CABCOCO1: variants seen among roughly 807,000 people sequenced by gnomAD.
CABCOCO1 encodes ciliary-associated calcium-binding coiled-coil protein 1.
A neutral mutation model predicts 35.7 loss-of-function variants in CABCOCO1; 28 were observed. That is an observed-to-expected ratio of 0.78 (90% CI 0.58 to 1.07). The LOEUF (loss-of-function observed/expected upper bound fraction) is 1.07. Ranked by LOEUF, CABCOCO1 falls within the 50% of genes least tolerant of loss-of-function variation. CABCOCO1 has a pLI of 0.00. For synonymous variants in CABCOCO1, 95 were observed against 100.1 expected, an observed-to-expected ratio of 0.95 and a Z score of 0.30; for missense variants, 326 against 309.2, an observed-to-expected ratio of 1.05 and a Z score of -0.41.
At position 61,672,710 on chromosome 10, in the gene CABCOCO1, A is replaced by T; in HGVS notation, c.139A>T (p.Met47Leu). Residue 47 changes from methionine (M) to leucine (L), a missense_variant, in exon 2 of 8, where the codon ATG becomes TTG. Coordinates refer to ENST00000648843, the MANE Select transcript of CABCOCO1 (RefSeq NM_001366906.2). ...LSVAQITDLLMEDIDGVQEKL... is the reference protein window; with the variant it reads ...LSVAQITDLLLEDIDGVQEKL... ...AGTTGCCCAAATCACTGATTTGTTAATGGAGGACATCGATGGAGTTCAAGA... is the reference window on the plus strand; with the variant it reads ...AGTTGCCCAAATCACTGATTTGTTATTGGAGGACATCGATGGAGTTCAAGA... 3.0e-6 allele frequency: 3 copies of T among 985,390 alleles called. No individual in the cohort carries two copies. Among genetic ancestry groups the T allele is most frequent in the South Asian group, 9.4e-5 (2 of 21,282 alleles). 61.0% of individuals were successfully genotyped at this position (985,390 alleles called of 1,614,324 possible). A position where few individuals can be genotyped will look rare whatever the true frequency, so the allele number is the denominator to read the frequency against.
chr10:61,680,467 AAT>A (rs1358577293), intron 2 of CABCOCO1, among the ~76,000 whole-genome samples: 2 of 46,604 alleles, frequency 4.3e-5, no homozygotes, highest in Non-Finnish European at 9.7e-5. Flanking sequence ...TAACATATAT[AAT>A]ATATATTTAT....
intron 2 of CABCOCO1, among the ~76,000 whole-genome samples, 196 bp downstream of exon 2, chr10:61,672,931 G>A (rs1428083210): frequency 1.3e-5 from 2 of 152,158 alleles, no homozygotes; most frequent in Non-Finnish European, 2.9e-5. Context: ...CCTTTATAAA[G>A]AAAATACATT....
chr10:61,737,435 C>G (rs1841444159), intron 5 of CABCOCO1, among the ~76,000 whole-genome samples: 1 of 152,092 alleles, frequency 6.6e-6, no homozygotes, highest in Admixed American at 6.6e-5. Context: ...ACCATTTGAC[C>G]CAGCAATCCC....
At position 61,706,525 on chromosome 10, in the gene CABCOCO1, C is replaced by T. The variant is rs1472567964; in HGVS notation, c.552+15904C>T. The stretch of plus-strand genomic sequence containing the variant: ...ACATAATTAGTTATCTAGGGAAAAA[C>T]AATTATAATTGAACATAGCTGCTTC... On this transcript the variant is annotated intron_variant, in intron 5 of 7. Transcript: ENST00000648843. Among the ~76,000 whole-genome samples, 5 of 152,108 alleles carry T rather than the reference C, an allele frequency of 3.3e-5. No homozygotes were observed. The South Asian group carries it at 8.3e-4, about 25-fold the overall frequency.
At chr10:61,763,686 A>G (rs1279020167) in intron 7 of CABCOCO1, among the ~76,000 whole-genome samples, 1 of 151,820 alleles carries the variant, frequency 6.6e-6, no homozygotes, top group Non-Finnish European at 1.5e-5. Flanking sequence ...TTGGGACCCT[A>G]GATGTTTTTA....
chr10:61,676,921 G>T (rs559428130), intron 2 of CABCOCO1, among the ~76,000 whole-genome samples: 1 of 151,836 alleles, frequency 6.6e-6, no homozygotes, highest in African/African-American at 2.4e-5. Context: ...AAATTTAGCC[G>T]AGCGTGGTGG....
intron 5 of CABCOCO1, among the ~76,000 whole-genome samples, chr10:61,737,311 T>G (rs71507190): frequency 0.016 from 2,361 of 152,180 alleles, 38 homozygotes; most frequent in East Asian, 0.046. Flanking sequence ...CAGATGCTGG[T>G]GAGGTTGCAG....
intron 4 of CABCOCO1, among the ~76,000 whole-genome samples, chr10:61,688,659 A>G (rs1413882289): frequency 6.6e-6 from 1 of 152,202 alleles, no homozygotes; most frequent in East Asian, 1.9e-4. Flanking sequence ...TACACTCAAT[A>G]TAAGAGGCAT....
intron 5 of CABCOCO1, among the ~76,000 whole-genome samples, chr10:61,707,975 G>A (rs545557886): frequency 1.3e-5 from 2 of 151,732 alleles, no homozygotes; most frequent in African/African-American, 4.8e-5. Flanking sequence ...CAAAATAAGG[G>A]GACTAATATC....
intron 5 of CABCOCO1, among the ~76,000 whole-genome samples, chr10:61,733,106 T>C (rs943999075): frequency 3.3e-5 from 5 of 152,192 alleles, no homozygotes; most frequent in South Asian, 2.1e-4. Flanking sequence ...GTTTAACTAA[T>C]ACCATTTACA....
At chr10:61,760,445 C>A (rs920174547) in intron 6 of CABCOCO1, among the ~76,000 whole-genome samples, 1 of 152,008 alleles carries the variant, frequency 6.6e-6, no homozygotes, top group African/African-American at 2.4e-5. Context: ...TCTGTCATAA[C>A]CCTCATGAAC....
intron 5 of CABCOCO1, among the ~76,000 whole-genome samples, chr10:61,741,670 A>AT (rs1374948431): frequency 1.3e-5 from 2 of 152,092 alleles, no homozygotes; most frequent in Non-Finnish European, 2.9e-5. Flanking sequence ...TAATTTTTCT[A>AT]TTTTTTCTAC....
intron 5 of CABCOCO1, among the ~76,000 whole-genome samples, chr10:61,692,017 G>C (rs1488766624): frequency 6.6e-6 from 1 of 152,122 alleles, no homozygotes; most frequent in East Asian, 1.9e-4. Context: ...CTAGTAATGG[G>C]ATTGCTGGGT....
At chr10:61,685,254 T>C (rs1564534694) in intron 3 of CABCOCO1, 1 of 152,226 alleles carries the variant, frequency 6.6e-6, no homozygotes, top group Non-Finnish European at 1.5e-5. Context: ...ATGGAAACAA[T>C]TGGCTAAAGC....
intron 5 of CABCOCO1, among the ~76,000 whole-genome samples, chr10:61,747,163 A>C (rs1157126166): frequency 1.3e-5 from 2 of 152,162 alleles, no homozygotes; most frequent in Non-Finnish European, 2.9e-5. Flanking sequence ...CTAAAACCAA[A>C]ATGAAATTAT....
Position 61,766,255 on chromosome 10 carries a change from G to T in CABCOCO1, c.*242G>T. ...GAGAACATTTTGTATACAAGAGTTT[G>T]AAAAATTATATATAAAAATACAATT... On this transcript the variant is annotated 3_prime_UTR_variant, in exon 8 of 8. Coordinates refer to ENST00000648843, the MANE Select transcript of CABCOCO1 (RefSeq NM_001366906.2). 1 of 285,308 alleles carries T rather than the reference G, an allele frequency of 3.5e-6. No individual in the cohort carries two copies. Among genetic ancestry groups the T allele is most frequent in the Admixed American group, 4.8e-5 (1 of 20,682 alleles). 17.7% of individuals were successfully genotyped at this position (285,308 alleles called of 1,614,324 possible).
At chr10:61,680,608 C>CATATGTTATACATAACAT in intron 2 of CABCOCO1, among the ~76,000 whole-genome samples, 2 of 80,216 alleles carry the variant, frequency 2.5e-5, no homozygotes, top group East Asian at 1.1e-3. Context: ...ACATGTATAA[C>CATATGTTATACATAACAT]ATGTTATACA....
intron 5 of CABCOCO1, among the ~76,000 whole-genome samples, chr10:61,745,523 C>A (rs894444092): frequency 2.0e-5 from 3 of 152,156 alleles, no homozygotes; most frequent in Non-Finnish European, 4.4e-5. Context: ...CCAACTGTAG[C>A]CGTTTTTATG....
chr10:61,676,537 G>C (rs1400646460), intron 2 of CABCOCO1, among the ~76,000 whole-genome samples: 1 of 152,136 alleles, frequency 6.6e-6, no homozygotes, highest in Non-Finnish European at 1.5e-5. Flanking sequence ...AAAATTGAAA[G>C]TGAGTGATTG....
Sources: gnomAD v4.1 joint callset for allele counts (sites outside exome capture counted in the v4.1 genomes callset) on GRCh38, gnomAD v4.1.1 for gene constraint, MANE v1.5 for transcripts, NCBI Gene and HGNC (gene_info 2026-07-23, HGNC 2026-07-21) for gene names.